PDGFD: variants seen among roughly 807,000 people sequenced by gnomAD.
PDGFD encodes the protein platelet derived growth factor D.
Under a neutral mutation model 44.7 loss-of-function variants are expected in PDGFD, and 30 were observed. The ratio of observed to expected loss-of-function variants is 0.67; its 90% CI spans 0.50 to 0.91. PDGFD has a LOEUF of 0.91. PDGFD is among the 40% of genes least tolerant of loss of function. PDGFD has a pLI of 0.00. For synonymous variants in PDGFD, 173 were observed against 168.4 expected (o/e 1.03, Z -0.21); for missense variants, 445 against 457.8 (o/e 0.97, Z 0.25).
chr11:104,003,782 C>T (rs260862), intron 1 of PDGFD, among the ~76,000 whole-genome samples: 29,070 of 152,004 alleles, frequency 0.19, 3,013 homozygotes, highest in African/African-American at 0.27. Flanking sequence ...GAGAGGAGGC[C>T]TTGGGAATCA....
At chr11:104,122,944 T>C (rs1360701136) in intron 1 of PDGFD, among the ~76,000 whole-genome samples, 3 of 152,090 alleles carry the variant, frequency 2.0e-5, no homozygotes, top group East Asian at 3.9e-4. Flanking sequence ...ACGAGGATTA[T>C]TGATGGAGGA....
intron 1 of PDGFD, among the ~76,000 whole-genome samples, chr11:104,104,836 G>A (rs1178777256): frequency 2.6e-5 from 4 of 152,018 alleles, no homozygotes; most frequent in African/African-American, 9.7e-5. Context: ...AGAAACAGGT[G>A]GTAATATTCA....
chr11:104,009,609 G>GATAGA (rs746034318), intron 1 of PDGFD, among the ~76,000 whole-genome samples: 2 of 152,056 alleles, frequency 1.3e-5, no homozygotes, highest in Non-Finnish European at 2.9e-5. Flanking sequence ...AGAGATGGAA[G>GATAGA]ATAGAAAAGA....
At chr11:103,920,675 T>A (rs996663198) in intron 6 of PDGFD, among the ~76,000 whole-genome samples, 6 of 152,390 alleles carry the variant, frequency 3.9e-5, no homozygotes, top group African/African-American at 1.4e-4. Flanking sequence ...GGCTCTCATC[T>A]AATTCCACCC....
In PDGFD at chr11:103,943,743, C is replaced by T. The variant is rs540005093; in HGVS notation, c.574-93G>A. ...ACTATACGGAAGGAACATAAACAGGCTTCTGAGTATAAGACATCATACGTT... is the reference window on the plus strand; with the variant it reads ...ACTATACGGAAGGAACATAAACAGGTTTCTGAGTATAAGACATCATACGTT... On this transcript the variant is annotated intron_variant, in intron 4 of 6. Transcript: ENST00000393158. 25 of 1,048,244 alleles carry T rather than the reference C, an allele frequency of 2.4e-5. No homozygotes were observed. In the South Asian group the frequency reaches 3.6e-4, roughly 15 times the overall value. The allele number at this position is 1,048,244 out of a possible 1,614,324, so 64.9% of individuals were successfully genotyped here. A position where few individuals can be genotyped will look rare whatever the true frequency, so the allele number is the denominator to read the frequency against.
intron 1 of PDGFD, among the ~76,000 whole-genome samples, chr11:104,002,228 C>T (rs1853425412): frequency 6.6e-6 from 1 of 152,100 alleles, no homozygotes; most frequent in Admixed American, 6.5e-5. Context: ...TCATAAGGGG[C>T]TTTTAGGCAA....
At chr11:104,137,161 A>G (rs1408592535) in intron 1 of PDGFD, among the ~76,000 whole-genome samples, 1 of 152,192 alleles carries the variant, frequency 6.6e-6, no homozygotes, top group Non-Finnish European at 1.5e-5. Flanking sequence ...TATTGTCAAT[A>G]ATAAGTCCAT....
At chr11:104,156,816 T>C (rs1447012148) in intron 1 of PDGFD, among the ~76,000 whole-genome samples, 1 of 152,258 alleles carries the variant, frequency 6.6e-6, no homozygotes, top group South Asian at 2.1e-4. Flanking sequence ...TCTTCCTGTA[T>C]GTGTACTTGT....
chr11:103,994,478 C>T (rs1253243609), intron 3 of PDGFD, among the ~76,000 whole-genome samples: 5 of 152,158 alleles, frequency 3.3e-5, no homozygotes, highest in Non-Finnish European at 7.3e-5. Context: ...AAACTGGAAC[C>T]AGTGTTACCG....
intron 5 of PDGFD, among the ~76,000 whole-genome samples, chr11:103,941,616 G>T (rs951863042): frequency 4.0e-5 from 6 of 151,816 alleles, no homozygotes; most frequent in African/African-American, 1.5e-4. Context: ...CTGAGATCAG[G>T]GTGCCTGCTA....
chr11:104,158,664 C>T (rs1388833075), intron 1 of PDGFD, among the ~76,000 whole-genome samples: 1 of 151,530 alleles, frequency 6.6e-6, no homozygotes, highest in African/African-American at 2.4e-5. Flanking sequence ...AACCCCGTCT[C>T]TACTAAAAAC....
chr11:104,127,550 T>C (rs1389875571), intron 1 of PDGFD, among the ~76,000 whole-genome samples: 1 of 152,122 alleles, frequency 6.6e-6, no homozygotes, highest in Non-Finnish European at 1.5e-5. Context: ...TATGCAGAGG[T>C]AACTGCAAAG....
chr11:104,124,464 A>G (rs1017651804), intron 1 of PDGFD, among the ~76,000 whole-genome samples: 116 of 152,080 alleles, frequency 7.6e-4, no homozygotes, highest in African/African-American at 2.8e-3. Flanking sequence ...TACAAAACGA[A>G]CAGACATTTA....
chr11:104,055,064 A>G (rs973529030), intron 1 of PDGFD, among the ~76,000 whole-genome samples: 33 of 152,318 alleles, frequency 2.2e-4, no homozygotes, highest in African/African-American at 7.9e-4. Flanking sequence ...CTTGGTTCCT[A>G]CCAATGGCTT....
At chr11:103,967,978 CACT>C (rs1283759863) in intron 3 of PDGFD, among the ~76,000 whole-genome samples, 2 of 152,128 alleles carry the variant, frequency 1.3e-5, no homozygotes, top group Non-Finnish European at 2.9e-5. Context: ...CTTGCTCCAC[CACT>C]GTGATGTAAA....
intron 1 of PDGFD, among the ~76,000 whole-genome samples, chr11:104,055,380 A>G (rs1197061399): frequency 3.9e-5 from 6 of 152,190 alleles, no homozygotes; most frequent in Non-Finnish European, 5.9e-5. Flanking sequence ...TAAATGATTA[A>G]AGCGCTCTTA....
intron 1 of PDGFD, among the ~76,000 whole-genome samples, chr11:104,133,929 G>A (rs1861962540): frequency 6.6e-6 from 1 of 152,078 alleles, no homozygotes; most frequent in Non-Finnish European, 1.5e-5. Flanking sequence ...ATACCTAGCA[G>A]CCAACAGAAA....
chr11:103,928,998 C>A (rs1242706360), intron 5 of PDGFD, among the ~76,000 whole-genome samples: 1 of 152,028 alleles, frequency 6.6e-6, no homozygotes, highest in African/African-American at 2.4e-5. Context: ...TTGTCTAACA[C>A]GGAGGACTAA....
intron 3 of PDGFD, among the ~76,000 whole-genome samples, chr11:103,976,795 T>G (rs1447640912): frequency 6.6e-6 from 1 of 152,130 alleles, no homozygotes; most frequent in Non-Finnish European, 1.5e-5. Flanking sequence ...TCGGCATCTA[T>G]TGAGAAAATC....
Sources: allele counts gnomAD v4.1 joint callset (sites outside exome capture counted in the v4.1 genomes callset), GRCh38; gene constraint gnomAD v4.1.1; transcripts MANE v1.5; gene names NCBI Gene and HGNC (gene_info 2026-07-23, HGNC 2026-07-21).